Variants in BMAL1 observed in about 807,000 individuals in gnomAD.
BMAL1 encodes the protein basic helix-loop-helix ARNT like 1.
At chr11:13,382,025 G>A in the BMAL1 span, among the ~76,000 whole-genome samples, 1 of 152,102 alleles carries the variant, frequency 6.6e-6, no homozygotes, top group African/African-American at 2.4e-5. Context: ...GGACTCCTAG[G>A]GCACAAACCA....
chr11:13,358,018 C>CG, the BMAL1 span, among the ~76,000 whole-genome samples: 2 of 152,210 alleles, frequency 1.3e-5, no homozygotes, highest in Admixed American at 6.5e-5. Flanking sequence ...GGCCACACAG[C>CG]GGGCTCCTCA....
chr11:13,327,703 A>G, the BMAL1 span, among the ~76,000 whole-genome samples: 3,969 of 152,214 alleles, frequency 0.026, 64 homozygotes, highest in Non-Finnish European at 0.039. Flanking sequence ...GGCTTCCTGT[A>G]TAGTTGTTTG....
chr11:13,381,250 A>G, the BMAL1 span: 2 of 1,613,830 alleles, frequency 1.2e-6, no homozygotes, highest in East Asian at 2.2e-5. Flanking sequence ...CCAGGAGGCA[A>G]GAAGGTAAGA....
the BMAL1 span, among the ~76,000 whole-genome samples, chr11:13,285,595 CAGCACATGTAA>C: frequency 6.6e-6 from 1 of 152,254 alleles, no homozygotes; most frequent in African/African-American, 2.4e-5. Context: ...GAAGAGAGAA[CAGCACATGTAA>C]AGGCCCTGGG....
chr11:13,319,272 G>A, the BMAL1 span, among the ~76,000 whole-genome samples: 1 of 152,166 alleles, frequency 6.6e-6, no homozygotes, highest in Admixed American at 6.5e-5. Flanking sequence ...GGTTGTTTCT[G>A]ACCTTTTGCC....
the BMAL1 span, among the ~76,000 whole-genome samples, chr11:13,384,577 T>C: frequency 6.6e-6 from 1 of 152,224 alleles, no homozygotes; most frequent in South Asian, 2.1e-4. Context: ...TATTAAAATA[T>C]GCCTCCCTTT....
the BMAL1 span, chr11:13,276,790 G>T: frequency 6.6e-6 from 1 of 152,222 alleles, no homozygotes; most frequent in Non-Finnish European, 1.5e-5. Context: ...AAGTGCCTGA[G>T]ATGCAAAAAT....
the BMAL1 span, among the ~76,000 whole-genome samples, chr11:13,334,527 T>TA: frequency 1.7e-5 from 1 of 60,286 alleles, no homozygotes; most frequent in African/African-American, 3.9e-5. Flanking sequence ...GGGCTCTTGA[T>TA]GTTTTTTTTT....
At chr11:13,307,733 C>T in the BMAL1 span, among the ~76,000 whole-genome samples, 1 of 152,176 alleles carries the variant, frequency 6.6e-6, no homozygotes, top group Non-Finnish European at 1.5e-5. Context: ...TAAAGAGCTT[C>T]CTTTTTTGAG....
chr11:13,368,822 T>C, the BMAL1 span, among the ~76,000 whole-genome samples: 1 of 152,194 alleles, frequency 6.6e-6, no homozygotes, highest in East Asian at 1.9e-4. Context: ...GAGCCACATA[T>C]ATAATTTCAT....
chr11:13,349,194 C>G, the BMAL1 span, among the ~76,000 whole-genome samples: 2 of 152,238 alleles, frequency 1.3e-5, no homozygotes, highest in Non-Finnish European at 2.9e-5. Context: ...CCCAGGTGCA[C>G]TTGAGATTCA....
the BMAL1 span, among the ~76,000 whole-genome samples, chr11:13,297,065 C>T: frequency 1.3e-5 from 2 of 152,082 alleles, no homozygotes; most frequent in African/African-American, 2.4e-5. Flanking sequence ...ATAGCCACAG[C>T]GTGGTAAAGT....
chr11:13,376,176 C>T, the BMAL1 span, among the ~76,000 whole-genome samples: 1 of 152,206 alleles, frequency 6.6e-6, no homozygotes, highest in East Asian at 1.9e-4. Flanking sequence ...GCAGGGGGCC[C>T]AAGCACTGGC....
At chr11:13,371,280 TTTTC>T in the BMAL1 span, among the ~76,000 whole-genome samples, 1 of 152,216 alleles carries the variant, frequency 6.6e-6, no homozygotes, top group Non-Finnish European at 1.5e-5. Flanking sequence ...TTCTAGTCTG[TTTTC>T]TTTCTTCTCT....
At chr11:13,330,042 G>A in the BMAL1 span, among the ~76,000 whole-genome samples, 3 of 152,152 alleles carry the variant, frequency 2.0e-5, no homozygotes, top group Non-Finnish European at 4.4e-5. Flanking sequence ...TTAGGCAGAC[G>A]GACAGATGGG....
the BMAL1 span, chr11:13,380,978 G>A: frequency 3.5e-6 from 2 of 564,588 alleles, no homozygotes; most frequent in Non-Finnish European, 6.3e-6. Context: ...AGCTGCAGAG[G>A]CAGAGTTGAG....
the BMAL1 span, among the ~76,000 whole-genome samples, chr11:13,372,836 G>A: frequency 2.6e-5 from 4 of 152,002 alleles, no homozygotes; most frequent in Non-Finnish European, 4.4e-5. Context: ...AATGATGAGA[G>A]TCTCTGTTAA....
At chr11:13,349,444 C>G in the BMAL1 span, among the ~76,000 whole-genome samples, 1 of 152,208 alleles carries the variant, frequency 6.6e-6, no homozygotes, top group African/African-American at 2.4e-5. Context: ...GCTAGTTTCT[C>G]CACCTCTCTG....
chr11:13,317,815 T>C, the BMAL1 span, among the ~76,000 whole-genome samples: 1 of 152,238 alleles, frequency 6.6e-6, no homozygotes, highest in Non-Finnish European at 1.5e-5. Flanking sequence ...GAAATAAAAG[T>C]GAGCCAAATT....
Sources: allele counts gnomAD v4.1 joint callset (sites outside exome capture counted in the v4.1 genomes callset), GRCh38; gene constraint gnomAD v4.1.1; transcripts MANE v1.5; gene names NCBI Gene and HGNC (gene_info 2026-07-23, HGNC 2026-07-21).